The following KIF18A variants were observed in gnomAD, a reference collection of about 807,000 sequenced individuals.
The protein encoded by KIF18A is kinesin family member 18A, also known as kinesin-like protein KIF18A.
A neutral mutation model predicts 103.3 loss-of-function variants in KIF18A; 67 were observed. The observed-to-expected ratio is 0.65, with a 90% CI of 0.53 to 0.79. The LOEUF (loss-of-function observed/expected upper bound fraction) is 0.79. KIF18A is among the 30% of genes least tolerant of loss of function. KIF18A has a pLI of 0.00. For missense variants in KIF18A, 1,032 were observed against 1,062.5 expected, an observed-to-expected ratio of 0.97 and a Z score of 0.40; for synonymous variants, 367 against 355.5, an observed-to-expected ratio of 1.03 and a Z score of -0.36.
chr11:28,066,815 T>TATATG (rs1850935575), intron 11 of KIF18A, among the ~76,000 whole-genome samples: 1 of 110,086 alleles, frequency 9.1e-6, no homozygotes, highest in South Asian at 2.4e-4. Flanking sequence ...TATATTATAT[T>TATATG]ATATTATATT....
intron 15 of KIF18A, among the ~76,000 whole-genome samples, chr11:28,028,416 T>C (rs1468784592): frequency 6.6e-6 from 1 of 151,958 alleles, no homozygotes; most frequent in Non-Finnish European, 1.5e-5. Context: ...AACAACCTGC[T>C]CCTGAATGAC....
At chr11:28,054,519 A>G (rs1247724814) in intron 13 of KIF18A, among the ~76,000 whole-genome samples, 4 of 152,228 alleles carry the variant, frequency 2.6e-5, no homozygotes, top group African/African-American at 4.8e-5. Context: ...CCAGATTCTT[A>G]AAAGCACTGC....
intron 13 of KIF18A, among the ~76,000 whole-genome samples, chr11:28,057,265 C>T (rs1850793104): frequency 6.6e-6 from 1 of 152,056 alleles, no homozygotes; most frequent in South Asian, 2.1e-4. Flanking sequence ...CCTGTAATCC[C>T]AGCACTTTGG....
chr11:28,069,408 C>G lies in KIF18A; in HGVS notation c.1441G>C (p.Asp481His). The change falls in exon 11 of 17, where the codon GAT becomes CAT. Residue 481 changes from aspartate (D) to histidine (H), a missense_variant. Coordinates refer to ENST00000263181, the MANE Select transcript of KIF18A (RefSeq NM_031217.4). ...DKVEKATGKR[D>H]HRLAMLKTRR... ...GTTTTCAACATTGCAAGTCTATGAT[C>G]TCGTTTTCCAGTGGCCTGAAACACG... is the stretch of plus-strand genomic sequence containing the variant. The G allele has an allele frequency of 6.2e-7, 1 of 1,613,016 alleles. No homozygotes were observed. The highest frequency in any genetic ancestry group is 8.5e-7 in the Non-Finnish European group (1 of 1,179,618).
Position 28,021,300 on chromosome 11 carries a change from A to G in KIF18A, c.2615-18T>C, listed in dbSNP as rs745565899. 11 of 1,376,120 alleles carry G rather than the reference A, an allele frequency of 8.0e-6. No homozygotes were observed. Among genetic ancestry groups the G allele is most frequent in the African/African-American group, 1.5e-5 (1 of 66,272 alleles). 85.2% of individuals were successfully genotyped at this position (1,376,120 alleles called of 1,614,324 possible). A position where few individuals can be genotyped will look rare whatever the true frequency, so the allele number is the denominator to read the frequency against. On this transcript the variant is annotated intron_variant, in intron 16 of 16. Coordinates refer to ENST00000263181, the MANE Select transcript of KIF18A (RefSeq NM_031217.4). The stretch of plus-strand genomic sequence containing the variant: ...TTTATGTTCTAGAGAAGAAATAAAA[A>G]GATGCATAAATATGGCATAAATATC...
In KIF18A at chr11:28,023,810, C is replaced by T. The variant is rs540161804; in HGVS notation, c.2545G>A (p.Gly849Arg). The change falls in exon 16 of 17, where the codon GGA (glycine) becomes AGA (arginine). Residue 849 changes from glycine to arginine, a missense_variant. Physicochemically the swap from Gly to Arg is moderately radical, Grantham distance 125. Transcript: ENST00000263181. Reference sequence around the variant, plus strand: ...TCTTGTCGAACACGTTTGGCAAATCCAGAATTTACGTCTGCAGTTAACGAA... The same window carrying T: ...TCTTGTCGAACACGTTTGGCAAATCTAGAATTTACGTCTGCAGTTAACGAA... ...NSSLTADVNSGFAKRVRQDNS... is the reference protein window; with the variant it reads ...NSSLTADVNSRFAKRVRQDNS... 6.2e-7 allele frequency: 1 copy of T among 1,612,822 alleles called. No individual in the cohort carries two copies. The highest frequency in any genetic ancestry group is 1.1e-5 in the South Asian group (1 of 90,962).
At chr11:28,078,842 T>C (rs900568210) in intron 9 of KIF18A, among the ~76,000 whole-genome samples, 13 of 152,064 alleles carry the variant, frequency 8.5e-5, no homozygotes, top group African/African-American at 3.1e-4. Flanking sequence ...AAAGACACTT[T>C]GAAAATTCAT....
chr11:28,026,492 G>A (rs1660417582), intron 15 of KIF18A, among the ~76,000 whole-genome samples: 1 of 151,546 alleles, frequency 6.6e-6, no homozygotes, highest in Admixed American at 6.6e-5. Flanking sequence ...CTAATTACTG[G>A]TACCAGAGGG....
chr11:28,051,070 T>C (rs955547966), intron 13 of KIF18A, among the ~76,000 whole-genome samples: 1 of 151,770 alleles, frequency 6.6e-6, no homozygotes, highest in Admixed American at 6.6e-5. Flanking sequence ...CTCTGAAACT[T>C]TGCTGAGGAA....
At chr11:28,027,959 C>T (rs1850342209) in intron 15 of KIF18A, among the ~76,000 whole-genome samples, 1 of 151,918 alleles carries the variant, frequency 6.6e-6, no homozygotes, top group Non-Finnish European at 1.5e-5. Flanking sequence ...AAAATACTAG[C>T]AAACTGAATC....
chr11:28,088,635 A>G lies in KIF18A; in HGVS notation c.786T>C (p.Ser262=). The change falls in exon 6 of 17, where the codon TCT becomes TCC. Residue 262 remains serine (S), a synonymous_variant. Transcript: ENST00000263181. ...TAGCACCGGAAGTACTTGCTCGCTC[A>G]GATCCTGCCAGGTCAATGAGTGACA... is the stretch of plus-strand genomic sequence containing the variant. The part of the protein sequence containing the change: ...AKMSLIDLAG[S]ERASTSGAKG... 3 of 1,614,118 alleles carry G rather than the reference A, an allele frequency of 1.9e-6. No homozygotes were observed. Among genetic ancestry groups the G allele is most frequent in the Non-Finnish European group, 1.7e-6 (2 of 1,179,958 alleles).
At chr11:28,047,712 T>G (rs914172969) in intron 13 of KIF18A, among the ~76,000 whole-genome samples, 2 of 151,986 alleles carry the variant, frequency 1.3e-5, no homozygotes. Context: ...ACATATATAA[T>G]AAACATAATG....
At chr11:28,051,668 TA>T (rs916215067) in intron 13 of KIF18A, among the ~76,000 whole-genome samples, 8 of 151,984 alleles carry the variant, frequency 5.3e-5, no homozygotes, top group Admixed American at 4.6e-4. Context: ...AAAGCAAGAA[TA>T]AGTGGCAAAT....
At chr11:28,081,998 T>C (rs1422564475) in intron 9 of KIF18A, among the ~76,000 whole-genome samples, 6 of 152,038 alleles carry the variant, frequency 3.9e-5, no homozygotes, top group Admixed American at 6.6e-5. Flanking sequence ...GTGGTGGACA[T>C]GAAAGAGAAC....
intron 13 of KIF18A, among the ~76,000 whole-genome samples, chr11:28,043,344 A>G (rs970397416): frequency 6.6e-6 from 1 of 151,904 alleles, no homozygotes; most frequent in African/African-American, 2.4e-5. Context: ...AGTGGACAGG[A>G]ATATATTTTT....
intron 1 of KIF18A, among the ~76,000 whole-genome samples, chr11:28,103,407 GT>G (rs1286591423): frequency 6.6e-6 from 1 of 151,768 alleles, no homozygotes; most frequent in Non-Finnish European, 1.5e-5. Flanking sequence ...AAGAATATTT[GT>G]CTAGTCTAGA....
In KIF18A at chr11:28,097,618, A is replaced by C; in HGVS notation, c.325+5T>G. 6.4e-7 allele frequency: 1 copy of C among 1,559,142 alleles called. No individual in the cohort carries two copies. Among genetic ancestry groups the C allele is most frequent in the Non-Finnish European group, 8.8e-7 (1 of 1,130,384 alleles). On this transcript the variant is annotated splice_donor_5th_base_variant and intron_variant, in intron 2 of 16. Transcript: ENST00000263181. ...AGAAATTAAATCCCAAATTGAAACA[A>C]ATACCTGTGCAATTATATCCATTCA...
chr11:28,058,331 G>C (rs1307932508), intron 13 of KIF18A, among the ~76,000 whole-genome samples: 1 of 151,284 alleles, frequency 6.6e-6, no homozygotes, highest in African/African-American at 2.4e-5. Context: ...TTTAAAGAAG[G>C]ATGGGAAGCA....
intron 5 of KIF18A, 53 bp downstream of exon 5, chr11:28,090,564 G>T: frequency 2.0e-6 from 2 of 990,366 alleles, no homozygotes; most frequent in South Asian, 1.4e-5. Context: ...CATGAATTTA[G>T]CTTCATTTAT....
Sources: allele counts gnomAD v4.1 joint callset (sites outside exome capture counted in the v4.1 genomes callset), GRCh38; gene constraint gnomAD v4.1.1; transcripts MANE v1.5; gene names NCBI Gene and HGNC (gene_info 2026-07-23, HGNC 2026-07-21).